Variants in KCNH3 observed in about 807,000 individuals in gnomAD.
KCNH3 encodes voltage-gated inwardly rectifying potassium channel KCNH3.
KCNH3 carries 36 observed loss-of-function variants against 95.6 expected under a neutral mutation model. The ratio of observed to expected loss-of-function variants is 0.38; its 90% CI spans 0.29 to 0.50. The LOEUF is 0.50. KCNH3 is among the 20% of genes least tolerant of loss of function. The pLI, the probability that KCNH3 is intolerant of heterozygous loss-of-function variation, is 0.95. For synonymous variants in KCNH3, 620 were observed against 646.3 expected, an observed-to-expected ratio of 0.96 and a Z score of 0.62; for missense variants, 1,030 against 1,484.1, an observed-to-expected ratio of 0.69 and a Z score of 5.03.
intron 9 of KCNH3, 137 bp from the exon 10 acceptor site, chr12:49,549,943 A>G: frequency 1.1e-6 from 1 of 921,136 alleles, no homozygotes; most frequent in Middle Eastern, 3.4e-4. Context: ...TGGAGCTTGG[A>G]GTTGTGAGAG....
At chr12:49,543,808 G>A in intron 5 of KCNH3, 107 bp from the exon 6 acceptor site, 1 of 1,410,058 alleles carries the variant, frequency 7.1e-7, no homozygotes, top group Non-Finnish European at 9.8e-7. Flanking sequence ...GACGATGTAT[G>A]GGAAGGGCCG....
intron 7 of KCNH3, among the ~76,000 whole-genome samples, chr12:49,548,247 C>T (rs897270454): frequency 3.3e-5 from 5 of 152,198 alleles, no homozygotes; most frequent in Non-Finnish European, 7.3e-5. Context: ...GTCCCTCTCC[C>T]AAGTGTGCAC....
At chr12:49,549,322 C>T (rs751917861) in intron 8 of KCNH3, 119 bp from the exon 9 acceptor site, 45 of 1,460,914 alleles carry the variant, frequency 3.1e-5, no homozygotes, top group Non-Finnish European at 4.2e-5. Flanking sequence ...GGAGACTTCG[C>T]CCGCACAGCG....
chr12:49,542,701 C>G lies in KCNH3; in HGVS notation c.446-5C>G. On this transcript the variant is annotated splice_polypyrimidine_tract_variant and splice_region_variant and intron_variant, in intron 3 of 14. Coordinates refer to ENST00000257981, the MANE Select transcript of KCNH3 (RefSeq NM_012284.3). ...TCATCTTCATGGGCCCCTCTTCTTT[C>G]GCAGGTGGTGGCCGGCGCCGATATG... 1 of 1,568,626 alleles carries G rather than the reference C, an allele frequency of 6.4e-7. No homozygotes were observed. The highest frequency in any genetic ancestry group is 8.6e-7 in the Non-Finnish European group (1 of 1,157,504).
chr12:49,540,992 G>C lies in KCNH3; in HGVS notation c.170G>C (p.Arg57Pro), dbSNP rs773615115. The C allele has an allele frequency of 6.2e-7, 1 of 1,614,100 alleles. No homozygotes were observed. The highest frequency in any genetic ancestry group is 8.5e-7 in the Non-Finnish European group (1 of 1,180,026). Reference sequence around the variant, plus strand: ...TTCTGTGACCTCACGGGCTTCTCCCGGGCTGAGGTCATGCAGCGGGGCTGT... The same window carrying C: ...TTCTGTGACCTCACGGGCTTCTCCCCGGCTGAGGTCATGCAGCGGGGCTGT... The part of the protein sequence containing the change: ...DGFCDLTGFS[R>P]AEVMQRGCAC... The change falls in exon 2 of 15, where the codon CGG becomes CCG. Residue 57 changes from arginine to proline, a missense_variant. Transcript: ENST00000257981.
chr12:49,555,800 A>G lies in KCNH3; in HGVS notation c.2317A>G (p.Thr773Ala). The change falls in exon 12 of 15, where the codon ACA (threonine) becomes GCA (alanine). Residue 773 changes from threonine to alanine, a missense_variant. Coordinates refer to ENST00000257981, the MANE Select transcript of KCNH3 (RefSeq NM_012284.3). ...SAAKLLSPRR[T>A]APRPRLGGRG... Reference sequence around the variant, plus strand: ...TGCCAAGCTGCTATCCCCACGTCGAACAGCACCCCGGCCTCGTCTAGGTGG... The same window carrying G: ...TGCCAAGCTGCTATCCCCACGTCGAGCAGCACCCCGGCCTCGTCTAGGTGG... 1 of 1,613,588 alleles carries G rather than the reference A, an allele frequency of 6.2e-7. No individual in the cohort carries two copies. Among genetic ancestry groups the G allele is most frequent in the Non-Finnish European group, 8.5e-7 (1 of 1,179,904 alleles).
At chr12:49,550,354 G>C in intron 10 of KCNH3, 25 bp downstream of exon 10, 1 of 1,578,952 alleles carries the variant, frequency 6.3e-7, no homozygotes, top group Non-Finnish European at 8.6e-7. Flanking sequence ...GAGAGAGGGC[G>C]TGGGGGCACG....
At chr12:49,544,482 G>A (rs912308536) in intron 7 of KCNH3, 100 bp downstream of exon 7, 13 of 1,162,728 alleles carry the variant, frequency 1.1e-5, no homozygotes, top group Non-Finnish European at 1.6e-5. Context: ...ACCTGTGCAA[G>A]TCTGCACGTG....
rs1246034356 is a variant in KCNH3, at chr12:49,550,336, G to A, written c.1918+7G>A. ...ACCGTGCTCGCCATCCTAGGTTTGT[G>A]AGGGTGGGAGAGAGGGCGTGGGGGC... On this transcript the variant is annotated splice_region_variant and intron_variant, in intron 10 of 14. Coordinates refer to ENST00000257981, the MANE Select transcript of KCNH3 (RefSeq NM_012284.3). The A allele has an allele frequency of 6.3e-7, 1 of 1,593,046 alleles. No individual in the cohort carries two copies.
In KCNH3 at chr12:49,551,505, G is replaced by A. The variant is rs568943461; in HGVS notation, c.1918+1176G>A. Among the ~76,000 whole-genome samples, 7 of 144,718 alleles carry A rather than the reference G, an allele frequency of 4.8e-5. No individual in the cohort carries two copies. The East Asian group carries it at 1.5e-3, about 30-fold the overall frequency. 94.9% of individuals were successfully genotyped at this position (144,718 alleles called of 152,430 possible). On this transcript the variant is annotated intron_variant, in intron 10 of 14. Transcript: ENST00000257981. ...GCAGAAGAATTGCTTAAACCCAGGAGATGGAGACTGCAGTGAGCCAAGATT... is the reference window on the plus strand; with the variant it reads ...GCAGAAGAATTGCTTAAACCCAGGAAATGGAGACTGCAGTGAGCCAAGATT...
At chr12:49,550,053 CCCA>C in intron 9 of KCNH3, 24 bp from the exon 10 acceptor site, 1 of 1,527,696 alleles carries the variant, frequency 6.5e-7, no homozygotes, top group Non-Finnish European at 8.8e-7. Context: ...TCCCAACCCC[CCCA>C]CCCCCGCACC....
At chr12:49,552,739 G>T (rs1938305165) in intron 10 of KCNH3, among the ~76,000 whole-genome samples, 1 of 152,168 alleles carries the variant, frequency 6.6e-6, no homozygotes, top group South Asian at 2.1e-4. Flanking sequence ...GTCCTGTCCT[G>T]TTTCTCATTT....
Position 49,550,092 on chromosome 12 carries a change from C to T in KCNH3, c.1681C>T (p.Leu561Phe). Residue 561 changes from leucine (L) to phenylalanine (F), a missense_variant, in exon 10 of 15, where the codon CTC (leucine) becomes TTC (phenylalanine). By Grantham distance (22) the Leu-to-Phe change is conservative (BLOSUM62 0). Transcript: ENST00000257981. ...GIDTTELLQS[L>F]PDELRADIAM... ...TGCTCACCTGCAGCTGCTGCAGAGC[C>T]TCCCTGACGAGCTGCGCGCAGACAT... 1 of 1,582,904 alleles carries T rather than the reference C, an allele frequency of 6.3e-7. No homozygotes were observed. The highest frequency in any genetic ancestry group is 8.6e-7 in the Non-Finnish European group (1 of 1,161,978).
At chr12:49,542,888 A>G (rs1170713153) in intron 4 of KCNH3, 49 bp downstream of exon 4, 8 of 1,585,266 alleles carry the variant, frequency 5.0e-6, no homozygotes, top group Middle Eastern at 3.3e-4. Flanking sequence ...CAGACGCAGA[A>G]GATGGGGAAG....
At chr12:49,551,574 CAAAAA>C (rs59344956) in intron 10 of KCNH3, among the ~76,000 whole-genome samples, 1 of 57,554 alleles carries the variant, frequency 1.7e-5, no homozygotes, top group African/African-American at 5.4e-5. Context: ...GACTCTGTCT[CAAAAA>C]AAAAAAAAAA....
intron 7 of KCNH3, among the ~76,000 whole-genome samples, chr12:49,545,612 C>T (rs774828145): frequency 2.0e-5 from 3 of 151,956 alleles, no homozygotes; most frequent in Non-Finnish European, 4.4e-5. Context: ...AGGATGGTCT[C>T]GATCTCCTGA....
intron 10 of KCNH3, among the ~76,000 whole-genome samples, chr12:49,553,144 AT>A (rs35240859): frequency 0.22 from 33,520 of 149,470 alleles, 5,970 homozygotes; most frequent in African/African-American, 0.51. Context: ...TTGGAAATGA[AT>A]TTTTTTTTTT....
chr12:49,550,775 G>A (rs188769013), intron 10 of KCNH3, among the ~76,000 whole-genome samples: 12 of 152,336 alleles, frequency 7.9e-5, no homozygotes, highest in African/African-American at 2.6e-4. Flanking sequence ...CCAGAGCCCA[G>A]ATGGGTGACA....
intron 10 of KCNH3, among the ~76,000 whole-genome samples, chr12:49,551,297 C>T (rs1004105723): frequency 2.6e-5 from 4 of 152,060 alleles, no homozygotes. Context: ...ACTAAAGGAC[C>T]GGGCGCGGTA....
Sources: allele counts gnomAD v4.1 joint callset (sites outside exome capture counted in the v4.1 genomes callset), GRCh38; gene constraint gnomAD v4.1.1; transcripts MANE v1.5; gene names NCBI Gene and HGNC (gene_info 2026-07-23, HGNC 2026-07-21).